CSGALNACT1: variants seen among roughly 807,000 people sequenced by gnomAD.
CSGALNACT1 encodes the protein chondroitin sulfate N-acetylgalactosaminyltransferase 1.
CSGALNACT1 carries 52 observed loss-of-function variants against 51.0 expected under a neutral mutation model. That is an observed-to-expected ratio of 1.02 (90% CI 0.82 to 1.29). The LOEUF is 1.29. Among genes scored for constraint, CSGALNACT1 ranks in the 50% most tolerant of loss-of-function variants. The pLI, the probability that CSGALNACT1 is intolerant of heterozygous loss-of-function variation, is 0.00. For missense variants in CSGALNACT1, 935 were observed against 679.2 expected, an observed-to-expected ratio of 1.38 and a Z score of -4.19; for synonymous variants, 341 against 254.4, an observed-to-expected ratio of 1.34 and a Z score of -3.24.
At chr8:19,641,541 C>A (rs1406931021) in intron 1 of CSGALNACT1, among the ~76,000 whole-genome samples, 1 of 152,124 alleles carries the variant, frequency 6.6e-6, no homozygotes, top group Non-Finnish European at 1.5e-5. Context: ...CAGGAGTGGA[C>A]ACGATCTTTC....
chr8:19,499,354 G>T (rs1587304402), intron 4 of CSGALNACT1, among the ~76,000 whole-genome samples: 1 of 152,096 alleles, frequency 6.6e-6, no homozygotes, highest in Non-Finnish European at 1.5e-5. Context: ...AATAAGGACT[G>T]AGCCTCACTC....
At chr8:19,592,264 T>C (rs2047978265) in intron 2 of CSGALNACT1, among the ~76,000 whole-genome samples, 1 of 152,172 alleles carries the variant, frequency 6.6e-6, no homozygotes, top group Admixed American at 6.5e-5. Flanking sequence ...TTCAAATAAA[T>C]GTTAAGTTTA....
At chr8:19,480,576 A>ATATG (rs1243284832) in intron 4 of CSGALNACT1, among the ~76,000 whole-genome samples, 1 of 152,202 alleles carries the variant, frequency 6.6e-6, no homozygotes, top group Non-Finnish European at 1.5e-5. Flanking sequence ...TGCAATGAAC[A>ATATG]TATGGGTGCC....
intron 1 of CSGALNACT1, among the ~76,000 whole-genome samples, chr8:19,744,487 C>A (rs1010491994): frequency 6.6e-6 from 1 of 152,206 alleles, no homozygotes; most frequent in Non-Finnish European, 1.5e-5. Flanking sequence ...AATTAGTCCT[C>A]CTTTTTATTA....
intron 8 of CSGALNACT1, among the ~76,000 whole-genome samples, chr8:19,417,783 G>A (rs1268629709): frequency 5.9e-5 from 9 of 152,166 alleles, no homozygotes; most frequent in Non-Finnish European, 1.2e-4. Flanking sequence ...CTCCCCGCAG[G>A]AAAAAATCAC....
chr8:19,551,078 T>C (rs1486791039), intron 3 of CSGALNACT1, among the ~76,000 whole-genome samples: 2 of 152,118 alleles, frequency 1.3e-5, no homozygotes, highest in African/African-American at 4.8e-5. Context: ...CGCCCCAGGG[T>C]TAGAAAAGCT....
At chr8:19,552,659 T>C (rs1005237870) in intron 3 of CSGALNACT1, among the ~76,000 whole-genome samples, 1 of 152,214 alleles carries the variant, frequency 6.6e-6, no homozygotes, top group Non-Finnish European at 1.5e-5. Context: ...AAAATGTGGA[T>C]GGCACTTCAA....
At chr8:19,521,938 T>C (rs1245106328) in intron 3 of CSGALNACT1, among the ~76,000 whole-genome samples, 2 of 152,254 alleles carry the variant, frequency 1.3e-5, no homozygotes, top group Non-Finnish European at 2.9e-5. Flanking sequence ...TGTGTCCATT[T>C]GTTCTGACGT....
chr8:19,598,139 C>G (rs2049375597), intron 2 of CSGALNACT1, among the ~76,000 whole-genome samples: 3 of 152,150 alleles, frequency 2.0e-5, no homozygotes, highest in Non-Finnish European at 4.4e-5. Context: ...GAGGTAGAAC[C>G]CAACTCAATG....
At position 19,707,772 on chromosome 8, in the gene CSGALNACT1, G is replaced by C. The variant is rs115691018; in HGVS notation, c.-297+50078C>G. Among the ~76,000 whole-genome samples, 1,320 of 152,288 alleles carry C rather than the reference G, an allele frequency of 8.7e-3. 25 individuals are homozygous for C. The highest frequency in any genetic ancestry group is 0.031 in the African/African-American group (1,267 of 41,534). On this transcript the variant is annotated intron_variant, in intron 1 of 1. Transcript: ENST00000517494. The stretch of plus-strand genomic sequence containing the variant: ...TCCCAACATTTTGGGAGGCTGATGT[G>C]TGTGGATCACTTGAGGTCAGGAGAT...
At chr8:19,516,861 G>T (rs770392423) in intron 3 of CSGALNACT1, among the ~76,000 whole-genome samples, 2 of 152,158 alleles carry the variant, frequency 1.3e-5, no homozygotes, top group African/African-American at 2.4e-5. Context: ...TGAACACAGC[G>T]GCCACGGCAG....
intron 3 of CSGALNACT1, among the ~76,000 whole-genome samples, chr8:19,530,305 TACACATACAC>T (rs1355621116): frequency 5.4e-4 from 80 of 149,226 alleles, no homozygotes; most frequent in Admixed American, 1.2e-3. Context: ...CATGAATGTG[TACACATACAC>T]ACACACACAC....
At chr8:19,480,468 T>C (rs988287337) in intron 4 of CSGALNACT1, among the ~76,000 whole-genome samples, 4 of 152,206 alleles carry the variant, frequency 2.6e-5, no homozygotes, top group Non-Finnish European at 4.4e-5. Flanking sequence ...TATGGCTGCA[T>C]AGTACGCCAT....
intron 1 of CSGALNACT1, among the ~76,000 whole-genome samples, chr8:19,694,289 C>G (rs1564437428): frequency 6.6e-6 from 1 of 152,090 alleles, no homozygotes; most frequent in Non-Finnish European, 1.5e-5. Flanking sequence ...TGGCAGCTAC[C>G]CACATAAGTG....
intron 5 of CSGALNACT1, among the ~76,000 whole-genome samples, chr8:19,441,876 AAAAC>A (rs377335361): frequency 0.15 from 22,564 of 152,090 alleles, 1,819 homozygotes; most frequent in Middle Eastern, 0.25. Context: ...TTTACAAGAA[AAAAC>A]AAACAACCCC....
chr8:19,405,934 A>T lies in CSGALNACT1; in HGVS notation c.1445T>A (p.Met482Lys), dbSNP rs74336185. ...GTACTGCTCGGGGGTCAGCTCGTCC[A>T]TGCAGCGCTTCTCATGCCAGAGGTG... Residue 482 changes from methionine to lysine, a missense_variant, in exon 10 of 10, where the codon ATG becomes AAG. Coordinates refer to ENST00000454498, the Ensembl canonical transcript of CSGALNACT1. The T allele has an allele frequency of 2.8e-5, 46 of 1,614,042 alleles. No individual in the cohort carries two copies. The African/African-American group carries it at 5.9e-4, about 21-fold the overall frequency.
chr8:19,693,861 C>T (rs1357990263), intron 1 of CSGALNACT1, among the ~76,000 whole-genome samples: 2 of 152,032 alleles, frequency 1.3e-5, no homozygotes, highest in African/African-American at 4.8e-5. Flanking sequence ...ACGGTTTTTG[C>T]CATAATAAGT....
chr8:19,612,447 G>A (rs539590586), intron 1 of CSGALNACT1, among the ~76,000 whole-genome samples: 38 of 151,664 alleles, frequency 2.5e-4, no homozygotes, highest in African/African-American at 7.5e-4. Context: ...CCCCATCCCC[G>A]CCATACCTTG....
intron 1 of CSGALNACT1, among the ~76,000 whole-genome samples, chr8:19,635,733 C>T (rs774419931): frequency 1.3e-5 from 2 of 152,034 alleles, no homozygotes; most frequent in East Asian, 3.9e-4. Context: ...TTCAGCTTTT[C>T]GTTTTGTTTT....
Sources: gnomAD v4.1 joint callset for allele counts (sites outside exome capture counted in the v4.1 genomes callset) on GRCh38, gnomAD v4.1.1 for gene constraint, MANE v1.5 for transcripts, NCBI Gene and HGNC (gene_info 2026-07-23, HGNC 2026-07-21) for gene names.